Variants in IQGAP2 observed in about 807,000 individuals in gnomAD.
IQGAP2 encodes the protein ras GTPase-activating-like protein IQGAP2.
In IQGAP2, 173 loss-of-function variants were observed where a neutral mutation model predicts 201.3. The observed-to-expected ratio is 0.86, with a 90% CI of 0.76 to 0.98. The LOEUF is 0.98. IQGAP2 is among the 50% of genes least tolerant of loss of function. The pLI is 0.00. For missense variants in IQGAP2, 1,687 were observed against 1,864.8 expected, an observed-to-expected ratio of 0.90 and a Z score of 1.76; for synonymous variants, 675 against 673.9, an observed-to-expected ratio of 1.00 and a Z score of -0.03.
chr5:76,649,603 G>A (rs1021471398), intron 17 of IQGAP2, among the ~76,000 whole-genome samples: 1 of 152,206 alleles, frequency 6.6e-6, no homozygotes, highest in African/African-American at 2.4e-5. Context: ...CATTCTCTGT[G>A]GTTTCTCTCA....
intron 11 of IQGAP2, among the ~76,000 whole-genome samples, chr5:76,605,394 T>G (rs1747733641): frequency 6.6e-6 from 1 of 152,172 alleles, no homozygotes; most frequent in Non-Finnish European, 1.5e-5. Context: ...AGAGTCTCCC[T>G]GTGTTGCCCA....
chr5:76,597,154 G>A, intron 9 of IQGAP2: 1 of 375,350 alleles, frequency 2.7e-6, no homozygotes, highest in South Asian at 3.4e-5. Flanking sequence ...ACCAGAGCTG[G>A]TCCTATAAGG....
chr5:76,634,679 C>T (rs1483274960), intron 15 of IQGAP2, among the ~76,000 whole-genome samples: 4 of 152,154 alleles, frequency 2.6e-5, no homozygotes, highest in African/African-American at 7.2e-5. Flanking sequence ...TTTTCAGGCA[C>T]GCACAGGATG....
At chr5:76,593,570 CA>C (rs779008386) in intron 9 of IQGAP2, among the ~76,000 whole-genome samples, 61 of 152,282 alleles carry the variant, frequency 4.0e-4, no homozygotes, top group Non-Finnish European at 7.1e-4. Flanking sequence ...TGAGATACAT[CA>C]ATTTTTTTAT....
At chr5:76,507,945 G>T (rs533545380) in intron 2 of IQGAP2, among the ~76,000 whole-genome samples, 1 of 145,844 alleles carries the variant, frequency 6.9e-6, no homozygotes, top group Non-Finnish European at 1.5e-5. Flanking sequence ...GGAGGTTGCA[G>T]TGAGCCAAGA....
intron 14 of IQGAP2, among the ~76,000 whole-genome samples, chr5:76,630,960 C>T (rs1750651298): frequency 6.6e-6 from 1 of 152,120 alleles, no homozygotes; most frequent in Non-Finnish European, 1.5e-5. Context: ...TAGTGCTATG[C>T]ACATGTGAAC....
At chr5:76,442,291 T>C (rs10213849) in intron 1 of IQGAP2, among the ~76,000 whole-genome samples, 58,319 of 152,122 alleles carry the variant, frequency 0.38, 13,211 homozygotes, top group East Asian at 0.53. Context: ...ACCTATGGTA[T>C]GATTTATTAC....
chr5:76,478,978 C>A (rs1429137368), intron 2 of IQGAP2, among the ~76,000 whole-genome samples: 1 of 152,062 alleles, frequency 6.6e-6, no homozygotes, highest in Non-Finnish European at 1.5e-5. Flanking sequence ...TTTAGTTAGG[C>A]CTTTCCCTGC....
intron 2 of IQGAP2, 25 bp downstream of exon 2, chr5:76,461,694 G>A: frequency 6.6e-7 from 1 of 1,504,328 alleles, no homozygotes; most frequent in Non-Finnish European, 9.3e-7. Flanking sequence ...TAGTCTATTT[G>A]TGCACCATCT....
rs11424254 is a variant in IQGAP2, at chr5:76,689,230, TAA to T, written c.3906-4100_3906-4099del. Among the ~76,000 whole-genome samples, 71 of 86,484 alleles carry T rather than the reference TAA, an allele frequency of 8.2e-4. 1 individual carries two copies. Among genetic ancestry groups the T allele is most frequent in the African/African-American group, 2.7e-3 (58 of 21,134 alleles). The allele number at this position is 86,484 out of a possible 152,430, so 56.7% of individuals were successfully genotyped here. A position where few individuals can be genotyped will look rare whatever the true frequency, so the allele number is the denominator to read the frequency against. The stretch of plus-strand genomic sequence containing the variant: ...TAATACTACCAAGCACAGGGATATT[TAA>T]AAAAAAAAAAAAAAAAAAAAAAAAC... On this transcript the variant is annotated intron_variant, in intron 30 of 35. Transcript: ENST00000274364.
At chr5:76,614,562 T>G (rs1748726694) in intron 13 of IQGAP2, among the ~76,000 whole-genome samples, 1 of 151,804 alleles carries the variant, frequency 6.6e-6, no homozygotes, top group Non-Finnish European at 1.5e-5. Flanking sequence ...ATCCTAATTC[T>G]GTTGTTTGGC....
chr5:76,657,173 G>A (rs746072433), intron 20 of IQGAP2, among the ~76,000 whole-genome samples: 8 of 152,148 alleles, frequency 5.3e-5, no homozygotes, highest in African/African-American at 1.2e-4. Context: ...AGTTTTTTCC[G>A]ATGGGACTGT....
rs184403241 is a variant in IQGAP2, at chr5:76,670,406, C to T, written c.2844-1353C>T. ...GCGGGCGCCTGTAGTCCCAGCTACT[C>T]AGGAGGCTGAGACGGGAGAATGGTG... is the stretch of plus-strand genomic sequence containing the variant. On this transcript the variant is annotated intron_variant, in intron 23 of 35. Coordinates refer to ENST00000274364, the MANE Select transcript of IQGAP2 (RefSeq NM_006633.5). 2.2e-3 allele frequency among the ~76,000 whole-genome samples: 333 copies of T among 152,194 alleles called. 3 individuals carry two copies. Among genetic ancestry groups the T allele is most frequent in the Non-Finnish European group, 1.5e-3 (100 of 68,010 alleles).
In IQGAP2 at chr5:76,623,936, C is replaced by CTTTTTTTTTTTTTTTTTTTTTTTTTTT. The variant is rs368076875; in HGVS notation, c.1522-3458_1522-3457insTTTTTTTTTTTTTTTTTTTTTTTTTTT. On this transcript the variant is annotated intron_variant, in intron 13 of 35. Coordinates refer to ENST00000274364, the MANE Select transcript of IQGAP2 (RefSeq NM_006633.5). ...CGGGTGAGGATGGCGTTTGTTCAGGCTTTTTTTTTTTTTTTTGCCTTATCT... is the reference window on the plus strand; with the variant it reads ...CGGGTGAGGATGGCGTTTGTTCAGGCTTTTTTTTTTTTTTTTTTTTTTTTTTTTTTTTTTTTTTTTTTTGCCTTATCT... Among the ~76,000 whole-genome samples the CTTTTTTTTTTTTTTTTTTTTTTTTTTT allele has an allele frequency of 6.0e-5, 6 of 100,778 alleles. 2 individuals carry two copies. The South Asian group carries it at 1.2e-3, about 20-fold the overall frequency. 66.1% of individuals were successfully genotyped at this position (100,778 alleles called of 152,430 possible). A position where few individuals can be genotyped will look rare whatever the true frequency, so the allele number is the denominator to read the frequency against.
intron 1 of IQGAP2, among the ~76,000 whole-genome samples, chr5:76,406,507 G>A (rs1241122392): frequency 6.6e-6 from 1 of 152,230 alleles, no homozygotes; most frequent in African/African-American, 2.4e-5. Flanking sequence ...GACATAGTAT[G>A]TACTATATAT....
intron 5 of IQGAP2, among the ~76,000 whole-genome samples, chr5:76,577,031 T>C (rs1187390465): frequency 6.6e-6 from 1 of 152,248 alleles, no homozygotes; most frequent in Non-Finnish European, 1.5e-5. Flanking sequence ...AACACTATAG[T>C]TAGTACTGGG....
chr5:76,496,720 CTTTCTTTTCTTTCTTTCTTT>C (rs1225206552), intron 2 of IQGAP2, among the ~76,000 whole-genome samples: 13 of 17,844 alleles, frequency 7.3e-4, no homozygotes, highest in African/African-American at 2.6e-3. Flanking sequence ...TTCTTTCTTT[CTTTCTTTTCTTTCTTTCTTT>C]CTTTCTTTCT....
At chr5:76,563,833 G>T (rs1254348662) in intron 3 of IQGAP2, among the ~76,000 whole-genome samples, 1 of 152,070 alleles carries the variant, frequency 6.6e-6, no homozygotes, top group Non-Finnish European at 1.5e-5. Context: ...GAAAAGGAAT[G>T]ATTTCCCATT....
At chr5:76,592,750 T>C in intron 8 of IQGAP2, 88 bp from the exon 9 acceptor site, 1 of 867,712 alleles carries the variant, frequency 1.2e-6, no homozygotes, top group African/African-American at 1.7e-5. Flanking sequence ...GAATGGTTTT[T>C]GTCACTCTTC....
Sources: allele counts gnomAD v4.1 joint callset (sites outside exome capture counted in the v4.1 genomes callset), GRCh38; gene constraint gnomAD v4.1.1; transcripts MANE v1.5; gene names NCBI Gene and HGNC (gene_info 2026-07-23, HGNC 2026-07-21).